Variants in ACTR3C observed in about 807,000 individuals in gnomAD.
ACTR3C encodes the protein actin related protein 3C.
ACTR3C carries 18 observed loss-of-function variants against 26.3 expected under a neutral mutation model. The observed-to-expected ratio is 0.68, with a 90% CI of 0.47 to 1.01. The LOEUF (loss-of-function observed/expected upper bound fraction) is 1.01, where lower values mean the gene tolerates loss of function less well. Among genes scored for constraint, ACTR3C ranks in the 50% least tolerant of loss-of-function variants. The pLI, the probability that ACTR3C is intolerant of heterozygous loss-of-function variation, is 0.00. For missense variants in ACTR3C, 184 were observed against 250.7 expected (o/e 0.73, Z 1.80); for synonymous variants, 55 against 94.5 (o/e 0.58, Z 2.42).
intron 1 of ACTR3C, among the ~76,000 whole-genome samples, chr7:150,314,788 C>A (rs112693417): frequency 2.5e-4 from 35 of 139,178 alleles, no homozygotes; most frequent in African/African-American, 6.0e-4. Context: ...AAAAAAAAAA[C>A]AACAACAACA....
At chr7:150,031,912 C>T in the ACTR3C span, among the ~76,000 whole-genome samples, 1 of 152,174 alleles carries the variant, frequency 6.6e-6, no homozygotes. Flanking sequence ...AATGTGGGCA[C>T]TCAGGCTGTA....
the ACTR3C span, among the ~76,000 whole-genome samples, chr7:150,055,491 GTTTTTTTT>G: frequency 7.1e-6 from 1 of 141,828 alleles, no homozygotes; most frequent in African/African-American, 2.6e-5. Context: ...GAGGGAGGGA[GTTTTTTTT>G]TTTTTTTTTA....
At chr7:150,140,847 C>T in the ACTR3C span, among the ~76,000 whole-genome samples, 80 of 152,342 alleles carry the variant, frequency 5.3e-4, no homozygotes, top group East Asian at 9.6e-4. Context: ...AGGCCTCTTG[C>T]GCTAAACAGT....
At chr7:150,084,125 GC>G in the ACTR3C span, among the ~76,000 whole-genome samples, 2 of 151,968 alleles carry the variant, frequency 1.3e-5, no homozygotes, top group Non-Finnish European at 2.9e-5. Context: ...TCCCACCTCA[GC>G]CTCACAAAGT....
downstream of ACTR3C, among the ~76,000 whole-genome samples, chr7:150,241,722 GA>G (rs1458590488): frequency 1.3e-5 from 2 of 152,084 alleles, no homozygotes; most frequent in Non-Finnish European, 2.9e-5. Context: ...ATTGCAACCA[GA>G]TATTCCCAAT....
At chr7:150,159,806 T>G in the ACTR3C span, among the ~76,000 whole-genome samples, 5,471 of 152,214 alleles carry the variant, frequency 0.036, 342 homozygotes, top group African/African-American at 0.12. Flanking sequence ...TTGTTTGTTT[T>G]TTTGTTTTTT....
downstream of ACTR3C, among the ~76,000 whole-genome samples, chr7:150,243,612 C>T (rs535790998): frequency 1.3e-5 from 2 of 152,248 alleles, no homozygotes; most frequent in South Asian, 4.2e-4. Flanking sequence ...TCCACAAATG[C>T]TCAAGTTCCT....
the ACTR3C span, among the ~76,000 whole-genome samples, chr7:150,018,405 G>T: frequency 1.4e-5 from 2 of 145,100 alleles, no homozygotes. Context: ...TCAATGTTTT[G>T]AATTTAAAAA....
the ACTR3C span, among the ~76,000 whole-genome samples, chr7:150,202,580 G>C: frequency 6.6e-6 from 1 of 152,172 alleles, no homozygotes; most frequent in African/African-American, 2.4e-5. Context: ...AAGCTCTGCA[G>C]CATCATCATT....
At chr7:150,151,770 C>A in the ACTR3C span, among the ~76,000 whole-genome samples, 3 of 133,600 alleles carry the variant, frequency 2.2e-5, no homozygotes, top group Admixed American at 2.3e-4. Flanking sequence ...AGGAGATATA[C>A]CTAATGCTAA....
chr7:150,119,978 A>T, the ACTR3C span, among the ~76,000 whole-genome samples: 8 of 152,346 alleles, frequency 5.3e-5, no homozygotes, highest in East Asian at 1.3e-3. Flanking sequence ...CTGCTCCTGA[A>T]TGACTACTGG....
chr7:150,172,711 C>A, the ACTR3C span, among the ~76,000 whole-genome samples: 24 of 150,622 alleles, frequency 1.6e-4, 2 homozygotes, highest in African/African-American at 6.0e-4. Context: ...GTCCCTACTG[C>A]CTGTAAGCCT....
the ACTR3C span, among the ~76,000 whole-genome samples, chr7:150,174,786 G>T: frequency 6.7e-6 from 1 of 148,164 alleles, no homozygotes; most frequent in Non-Finnish European, 1.5e-5. Flanking sequence ...CTTCAATGGT[G>T]AATTTCCCTA....
chr7:149,983,872 T>C, the ACTR3C span, among the ~76,000 whole-genome samples: 13 of 152,228 alleles, frequency 8.5e-5, no homozygotes, highest in Non-Finnish European at 1.5e-4. Context: ...AATGAACCAA[T>C]CACAGAAGGA....
the ACTR3C span, among the ~76,000 whole-genome samples, chr7:150,055,181 G>A: frequency 6.6e-6 from 1 of 152,240 alleles, no homozygotes; most frequent in Non-Finnish European, 1.5e-5. Context: ...TCAGGGACTT[G>A]TTGGAAATGC....
At chr7:149,882,703 G>A in the ACTR3C span, among the ~76,000 whole-genome samples, 3,790 of 152,322 alleles carry the variant, frequency 0.025, 150 homozygotes, top group African/African-American at 0.086. Flanking sequence ...TTAAAGCTAC[G>A]AAAACAGACC....
chr7:150,311,162 T>C (rs1314671451), intron 1 of ACTR3C, among the ~76,000 whole-genome samples: 1 of 152,126 alleles, frequency 6.6e-6, no homozygotes, highest in Non-Finnish European at 1.5e-5. Flanking sequence ...CCTTTCCCCA[T>C]TCTTCCTTTC....
At chr7:150,199,554 A>G in the ACTR3C span, among the ~76,000 whole-genome samples, 1 of 123,548 alleles carries the variant, frequency 8.1e-6, no homozygotes, top group African/African-American at 3.2e-5. Flanking sequence ...CTATTGTCCC[A>G]TGACCCTGCC....
At chr7:149,887,786 C>T in the ACTR3C span, among the ~76,000 whole-genome samples, 1 of 152,020 alleles carries the variant, frequency 6.6e-6, no homozygotes, top group Non-Finnish European at 1.5e-5. Context: ...TGGGAGGGAC[C>T]AGGGGAGGTA....
Sources: gnomAD v4.1 joint callset for allele counts (sites outside exome capture counted in the v4.1 genomes callset) on GRCh38, gnomAD v4.1.1 for gene constraint, MANE v1.5 for transcripts, NCBI Gene and HGNC (gene_info 2026-07-23, HGNC 2026-07-21) for gene names.